The following NAV3 variants were observed in gnomAD, a reference collection of about 807,000 sequenced individuals.
NAV3 encodes the protein pore membrane and/or filament interacting like protein 1.
A neutral mutation model predicts 244.7 loss-of-function variants in NAV3; 87 were observed. The observed-to-expected ratio is 0.36, with a 90% CI of 0.30 to 0.42. The LOEUF is 0.42. Among genes scored for constraint, NAV3 ranks in the 20% least tolerant of loss-of-function variants. The pLI, the probability that NAV3 is intolerant of heterozygous loss-of-function variation, is 1.00. For missense variants in NAV3, 2,663 were observed against 2,893.3 expected (o/e 0.92, Z 1.83); for synonymous variants, 1,126 against 1,042.2 (o/e 1.08, Z -1.55).
chr12:78,036,986 C>T (rs1262759716), intron 9 of NAV3: 1 of 702,934 alleles, frequency 1.4e-6, no homozygotes, highest in African/African-American at 1.7e-5. Context: ...AGAGGAGACC[C>T]ACGGTGCGCA....
chr12:77,715,326 G>T (rs1302398888), intron 2 of NAV3, among the ~76,000 whole-genome samples: 4 of 151,534 alleles, frequency 2.6e-5, no homozygotes, highest in Admixed American at 6.6e-5. Context: ...ACACATTTTA[G>T]GTATTAAAAT....
intron 1 of NAV3, among the ~76,000 whole-genome samples, chr12:77,925,654 T>A (rs984944355): frequency 6.6e-6 from 1 of 152,130 alleles, no homozygotes; most frequent in Non-Finnish European, 1.5e-5. Flanking sequence ...TTGACAAGGC[T>A]ACGCAGCAGC....
rs759118766 is a variant in NAV3, at chr12:77,966,310, A to C, written c.487+9A>C. ...AGGTCTATCTGCTGAAGGTAAGAAAAAGAATGACTGAATTGTCACAAATGG... is the reference window on the plus strand; with the variant it reads ...AGGTCTATCTGCTGAAGGTAAGAAACAGAATGACTGAATTGTCACAAATGG... On this transcript the variant is annotated intron_variant, in intron 4 of 39. Coordinates refer to ENST00000397909, the MANE Select transcript of NAV3 (RefSeq NM_001024383.2). 6.2e-7 allele frequency: 1 copy of C among 1,604,310 alleles called. No individual in the cohort carries two copies. The highest frequency in any genetic ancestry group is 8.5e-7 in the Non-Finnish European group (1 of 1,174,124).
chr12:77,901,570 C>T (rs961150369), intron 1 of NAV3, among the ~76,000 whole-genome samples: 3 of 151,956 alleles, frequency 2.0e-5, no homozygotes, highest in Non-Finnish European at 2.9e-5. Flanking sequence ...ATTAACCAGG[C>T]GTGGTGACAG....
intron 9 of NAV3, 91 bp downstream of exon 9, chr12:78,021,953 GT>G: frequency 2.9e-6 from 2 of 684,208 alleles, no homozygotes; most frequent in Non-Finnish European, 2.4e-6. Flanking sequence ...GTGGTATACT[GT>G]TTTTAGTGCA....
chr12:77,731,933 T>A (rs78277315), intron 2 of NAV3, among the ~76,000 whole-genome samples: 2,709 of 152,024 alleles, frequency 0.018, 93 homozygotes, highest in African/African-American at 0.062. Context: ...GTTACTACAT[T>A]TAGCATTGAG....
intron 1 of NAV3, among the ~76,000 whole-genome samples, chr12:77,859,758 C>CAAAG (rs771458836): frequency 1.5e-5 from 1 of 68,722 alleles, no homozygotes; most frequent in Non-Finnish European, 2.7e-5. Flanking sequence ...CTTTCAAATG[C>CAAAG]AAAAAAAAAA....
chr12:77,690,104 G>A (rs939418274), intron 2 of NAV3, among the ~76,000 whole-genome samples: 1 of 151,710 alleles, frequency 6.6e-6, no homozygotes, highest in Non-Finnish European at 1.5e-5. Flanking sequence ...AGGTTCATCA[G>A]GTCATCTGTA....
At chr12:77,778,613 G>GAAAAAA (rs746919824) in intron 2 of NAV3, among the ~76,000 whole-genome samples, 106 of 58,072 alleles carry the variant, frequency 1.8e-3, no homozygotes, top group African/African-American at 5.5e-3. Context: ...CTCCGTCTCA[G>GAAAAAA]AAAAAAAAAA....
At chr12:77,862,647 T>G (rs779883477) in intron 1 of NAV3, among the ~76,000 whole-genome samples, 3 of 151,814 alleles carry the variant, frequency 2.0e-5, no homozygotes, top group Non-Finnish European at 4.4e-5. Flanking sequence ...TAACAAAAAA[T>G]TATAAAAAAG....
intron 3 of NAV3, among the ~76,000 whole-genome samples, chr12:77,954,256 AC>A (rs1891160338): frequency 6.6e-6 from 1 of 152,108 alleles, no homozygotes; most frequent in Non-Finnish European, 1.5e-5. Context: ...CTTACATTCA[AC>A]CATATATTTA....
At chr12:77,894,958 G>T (rs1260379110) in intron 1 of NAV3, among the ~76,000 whole-genome samples, 1 of 152,152 alleles carries the variant, frequency 6.6e-6, no homozygotes, top group East Asian at 1.9e-4. Context: ...GTTCACTACT[G>T]TGCTCTAGCA....
intron 2 of NAV3, among the ~76,000 whole-genome samples, chr12:77,793,874 T>C (rs1217277782): frequency 3.9e-5 from 6 of 152,226 alleles, no homozygotes; most frequent in South Asian, 4.1e-4. Context: ...GTATTTCTGG[T>C]TCTAGATCTT....
rs186348099 is a variant in NAV3 at position 77,836,732 on chromosome 12, C to G, written c.243+5028C>G. ...GTTTACCCTATCATCCAAATCTTAC[C>G]CACTATTTAAGATTATTTCAAAGGT... On this transcript the variant is annotated intron_variant, in intron 1 of 39. Coordinates refer to ENST00000397909, the MANE Select transcript of NAV3 (RefSeq NM_001024383.2). Among the ~76,000 whole-genome samples, 890 of 152,096 alleles carry G rather than the reference C, an allele frequency of 5.9e-3. 3 individuals are homozygous for G. The highest frequency in any genetic ancestry group is 0.011 in the Non-Finnish European group (731 of 67,988).
chr12:77,675,360 T>A (rs1291065430), intron 2 of NAV3, among the ~76,000 whole-genome samples: 1 of 152,194 alleles, frequency 6.6e-6, no homozygotes, highest in Admixed American at 6.5e-5. Context: ...GCTGGAACTC[T>A]CCAGCAGGAG....
intron 8 of NAV3, among the ~76,000 whole-genome samples, chr12:78,010,015 G>T (rs1317961196): frequency 2.6e-5 from 4 of 152,080 alleles, no homozygotes; most frequent in African/African-American, 9.7e-5. Context: ...AGGACTTTGA[G>T]ACCAGCCTGT....
intron 1 of NAV3, among the ~76,000 whole-genome samples, chr12:77,890,734 T>C (rs971003241): frequency 3.3e-5 from 5 of 152,206 alleles, no homozygotes; most frequent in African/African-American, 1.2e-4. Flanking sequence ...ATTTAAAGTA[T>C]GTAGATGGCT....
intron 3 of NAV3, among the ~76,000 whole-genome samples, chr12:77,952,903 G>A (rs1306090838): frequency 1.3e-5 from 2 of 151,926 alleles, no homozygotes; most frequent in East Asian, 3.9e-4. Context: ...TGTAACTTGA[G>A]CTCTTTATAT....
At chr12:78,094,798 C>A (rs1308403021) in intron 12 of NAV3, among the ~76,000 whole-genome samples, 9 of 151,812 alleles carry the variant, frequency 5.9e-5, no homozygotes, top group Non-Finnish European at 1.3e-4. Context: ...CCTGTAATCC[C>A]AGCAATTTGG....
Sources: allele counts gnomAD v4.1 joint callset (sites outside exome capture counted in the v4.1 genomes callset), GRCh38; gene constraint gnomAD v4.1.1; transcripts MANE v1.5; gene names NCBI Gene and HGNC (gene_info 2026-07-23, HGNC 2026-07-21).